Variants in DIP2B observed in about 807,000 individuals in gnomAD.
DIP2B encodes disco-interacting protein 2 homolog B.
A neutral mutation model predicts 198.0 loss-of-function variants in DIP2B; 76 were observed. That is an observed-to-expected ratio of 0.38 (90% CI 0.32 to 0.46). The LOEUF is 0.46. Among genes scored for constraint, DIP2B ranks in the 20% least tolerant of loss-of-function variants. The probability of loss-of-function intolerance (pLI) is 0.99; values close to 1 mark genes in which losing one functional copy is unlikely to be tolerated. For missense variants in DIP2B, 1,559 were observed against 1,978.4 expected (o/e 0.79, Z 4.02); for synonymous variants, 701 against 739.1 (o/e 0.95, Z 0.84).
rs1183289727 is a variant in DIP2B at position 50,706,531 on chromosome 12, C to T, written c.2407-7C>T. 6.2e-7 allele frequency: 1 copy of T among 1,612,816 alleles called. No homozygotes were observed. Among genetic ancestry groups the T allele is most frequent in the African/African-American group, 1.3e-5 (1 of 74,888 alleles). ...GGAAATCAAGGTAAATCATCATTAC[C>T]TTTCAGGGTAGTTTGGTGTTCGTGG... On this transcript the variant is annotated splice_region_variant and splice_polypyrimidine_tract_variant and intron_variant, in intron 20 of 37. Coordinates refer to ENST00000301180, the MANE Select transcript of DIP2B (RefSeq NM_173602.3).
intron 1 of DIP2B, among the ~76,000 whole-genome samples, chr12:50,529,680 C>T (rs1958198348): frequency 6.6e-6 from 1 of 151,846 alleles, no homozygotes; most frequent in South Asian, 2.1e-4. Context: ...TATTGATGTT[C>T]CAGGGGTACT....
intron 32 of DIP2B, among the ~76,000 whole-genome samples, chr12:50,733,566 T>TA (rs966572817): frequency 1.3e-5 from 2 of 152,070 alleles, no homozygotes; most frequent in Non-Finnish European, 2.9e-5. Context: ...TAGATGGGCT[T>TA]AGTGGTACAT....
In DIP2B at chr12:50,748,491, C is replaced by T. The variant is rs375538259; in HGVS notation, c.*3652C>T. 7 of 152,578 alleles carry T rather than the reference C, an allele frequency of 4.6e-5. No individual in the cohort carries two copies. Among genetic ancestry groups the T allele is most frequent in the East Asian group, 1.9e-4 (1 of 5,200 alleles). The allele number at this position is 152,578 out of a possible 1,614,324, so 9.5% of individuals were successfully genotyped here. A position where few individuals can be genotyped will look rare whatever the true frequency, so the allele number is the denominator to read the frequency against. On this transcript the variant is annotated 3_prime_UTR_variant, in exon 38 of 38. Coordinates refer to ENST00000301180, the MANE Select transcript of DIP2B (RefSeq NM_173602.3). ...TTTACTTTCTGTCAAGATATTTACC[C>T]GTGTCAAATTCAAACTACAGTACTG... is the stretch of plus-strand genomic sequence containing the variant.
At chr12:50,512,128 A>C (rs1230152301) in intron 1 of DIP2B, among the ~76,000 whole-genome samples, 1 of 114,298 alleles carries the variant, frequency 8.7e-6, no homozygotes, top group Non-Finnish European at 1.8e-5. Context: ...TTTTTTTGAG[A>C]TAGAGTCTTG....
chr12:50,572,135 C>T (rs563032783), intron 1 of DIP2B, among the ~76,000 whole-genome samples: 1 of 152,218 alleles, frequency 6.6e-6, no homozygotes, highest in African/African-American at 2.4e-5. Context: ...AAAAATGAAG[C>T]ACAACTTTAA....
chr12:50,677,613 G>T (rs112327179), intron 7 of DIP2B, among the ~76,000 whole-genome samples: 2,567 of 152,192 alleles, frequency 0.017, 23 homozygotes, highest in Non-Finnish European at 0.025. Flanking sequence ...AGACTCTGTC[G>T]TGGGGGTAGG....
chr12:50,544,762 T>G (rs1002763344), intron 1 of DIP2B, among the ~76,000 whole-genome samples: 1 of 151,908 alleles, frequency 6.6e-6, no homozygotes, highest in East Asian at 1.9e-4. Context: ...GGACTACAGG[T>G]GCGTGCCACC....
intron 1 of DIP2B, among the ~76,000 whole-genome samples, chr12:50,512,896 A>C (rs891357794): frequency 6.6e-6 from 1 of 152,124 alleles, no homozygotes; most frequent in Non-Finnish European, 1.5e-5. Context: ...AGTCCCAGCT[A>C]CTCGGGAGGC....
chr12:50,525,761 C>T (rs1414690073), intron 1 of DIP2B, among the ~76,000 whole-genome samples: 1 of 152,144 alleles, frequency 6.6e-6, no homozygotes, highest in African/African-American at 2.4e-5. Flanking sequence ...CATCCTCCCA[C>T]CTTGGCCTCC....
Position 50,746,600 on chromosome 12 carries a change from A to T in DIP2B, c.*1761A>T, listed in dbSNP as rs1940343841. On this transcript the variant is annotated 3_prime_UTR_variant, in exon 38 of 38. Transcript: ENST00000301180. Reference sequence around the variant, plus strand: ...GAGGGCAGAGCTCAGGACATTTGCCAGTTCCAGATCTCTTTTTCAGCATTT... The same window carrying T: ...GAGGGCAGAGCTCAGGACATTTGCCTGTTCCAGATCTCTTTTTCAGCATTT... 6.6e-6 allele frequency: 1 copy of T among 152,168 alleles called. No homozygotes were observed. Among genetic ancestry groups the T allele is most frequent in the Non-Finnish European group, 1.5e-5 (1 of 68,036 alleles). The allele number at this position is 152,168 out of a possible 1,614,324, so 9.4% of individuals were successfully genotyped here.
chr12:50,681,596 G>T (rs1224083797), intron 9 of DIP2B, among the ~76,000 whole-genome samples: 1 of 151,962 alleles, frequency 6.6e-6, no homozygotes, highest in Non-Finnish European at 1.5e-5. Context: ...TTTAATTTTT[G>T]AAGATATTTT....
intron 1 of DIP2B, among the ~76,000 whole-genome samples, chr12:50,552,244 G>T (rs1178251760): frequency 2.0e-5 from 3 of 149,938 alleles, no homozygotes; most frequent in Admixed American, 1.3e-4. Flanking sequence ...TGGGTTTTTT[G>T]TTGTTGTTGT....
chr12:50,708,642 A>G, intron 22 of DIP2B, 80 bp downstream of exon 22: 4 of 1,134,512 alleles, frequency 3.5e-6, no homozygotes, highest in Non-Finnish European at 3.9e-6. Flanking sequence ...TCGATCAGCC[A>G]GTAATGCCAC....
chr12:50,676,675 G>C (rs559292187), intron 7 of DIP2B, among the ~76,000 whole-genome samples: 1 of 152,194 alleles, frequency 6.6e-6, no homozygotes, highest in South Asian at 2.1e-4. Context: ...TTGAGTAATT[G>C]TCACCTTTGG....
intron 1 of DIP2B, among the ~76,000 whole-genome samples, chr12:50,567,249 T>C (rs923472259): frequency 1.3e-5 from 2 of 152,188 alleles, no homozygotes; most frequent in Non-Finnish European, 2.9e-5. Context: ...AGTGTTAACA[T>C]CTTGCATAAC....
At chr12:50,692,708 A>G (rs549275573) in intron 13 of DIP2B, among the ~76,000 whole-genome samples, 9 of 152,216 alleles carry the variant, frequency 5.9e-5, no homozygotes, top group Non-Finnish European at 1.2e-4. Context: ...ATGGTGGTGT[A>G]TGCCTGTAAT....
At chr12:50,544,789 T>C (rs1473424015) in intron 1 of DIP2B, among the ~76,000 whole-genome samples, 2 of 151,962 alleles carry the variant, frequency 1.3e-5, no homozygotes, top group African/African-American at 2.4e-5. Context: ...GGCTAATTTT[T>C]TGTATTTTTA....
chr12:50,520,473 C>T (rs556426043), intron 1 of DIP2B, among the ~76,000 whole-genome samples: 1 of 152,304 alleles, frequency 6.6e-6, no homozygotes, highest in East Asian at 1.9e-4. Flanking sequence ...ATTTATTTGA[C>T]TTCCTCTCTG....
At chr12:50,641,190 G>A (rs1468639113) in intron 3 of DIP2B, among the ~76,000 whole-genome samples, 2 of 151,966 alleles carry the variant, frequency 1.3e-5, no homozygotes, top group Non-Finnish European at 2.9e-5. Flanking sequence ...AACCTCGTCT[G>A]TACTAAAAAT....
Sources: gnomAD v4.1 joint callset for allele counts (sites outside exome capture counted in the v4.1 genomes callset) on GRCh38, gnomAD v4.1.1 for gene constraint, MANE v1.5 for transcripts, NCBI Gene and HGNC (gene_info 2026-07-23, HGNC 2026-07-21) for gene names.